The following SORCS2 variants were observed in gnomAD, a reference collection of about 807,000 sequenced individuals.
SORCS2 encodes the protein sortilin related VPS10 domain containing receptor 2, also known as VPS10 domain-containing receptor SorCS2.
In SORCS2, 100 loss-of-function variants were observed where a neutral mutation model predicts 141.6. That is an observed-to-expected ratio of 0.71 (90% CI 0.60 to 0.83). The LOEUF (loss-of-function observed/expected upper bound fraction) is 0.83. Among genes scored for constraint, SORCS2 ranks in the 40% least tolerant of loss-of-function variants. The pLI is 0.00. For synonymous variants in SORCS2, 789 were observed against 676.9 expected (o/e 1.17, Z -2.57); for missense variants, 1,646 against 1,560.2 (o/e 1.05, Z -0.93).
intron 1 of SORCS2, among the ~76,000 whole-genome samples, chr4:7,194,420 A>C (rs1189459463): frequency 6.6e-6 from 1 of 152,124 alleles, no homozygotes; most frequent in Non-Finnish European, 1.5e-5. Context: ...GGGCAGATGA[A>C]TATGTTGGGG....
chr4:7,290,672 T>G (rs1256563872), intron 1 of SORCS2, among the ~76,000 whole-genome samples: 5 of 152,216 alleles, frequency 3.3e-5, no homozygotes, highest in Non-Finnish European at 5.9e-5. Flanking sequence ...CATCCATGTA[T>G]GCACACATGT....
intron 1 of SORCS2, among the ~76,000 whole-genome samples, chr4:7,362,511 C>T (rs1016080922): frequency 6.6e-6 from 1 of 152,304 alleles, no homozygotes; most frequent in Non-Finnish European, 1.5e-5. Context: ...ATGTGCTCAA[C>T]ACCCATCTGG....
intron 1 of SORCS2, among the ~76,000 whole-genome samples, chr4:7,358,018 C>T (rs1721358900): frequency 1.3e-5 from 2 of 152,196 alleles, no homozygotes. Flanking sequence ...TTTGTGTACC[C>T]CCCATTCCCA....
chr4:7,448,527 TCTTC>T (rs372050346), intron 2 of SORCS2, among the ~76,000 whole-genome samples: 2,084 of 121,480 alleles, frequency 0.017, 53 homozygotes, highest in African/African-American at 0.06. Flanking sequence ...TCCCTTCCTC[TCTTC>T]CTTCCTTCCT....
intron 14 of SORCS2, among the ~76,000 whole-genome samples, chr4:7,712,480 G>A (rs911162017): frequency 5.9e-5 from 9 of 152,224 alleles, no homozygotes; most frequent in Non-Finnish European, 1.0e-4. Flanking sequence ...AGCGACTCAC[G>A]CAGTGCAATT....
At chr4:7,555,266 A>T (rs1432177582) in intron 3 of SORCS2, among the ~76,000 whole-genome samples, 2 of 152,250 alleles carry the variant, frequency 1.3e-5, no homozygotes, top group East Asian at 3.8e-4. Context: ...TTTCCCAAAG[A>T]GCAGTTAGGT....
intron 1 of SORCS2, among the ~76,000 whole-genome samples, chr4:7,283,642 G>T (rs1202393672): frequency 6.6e-6 from 1 of 152,176 alleles, no homozygotes; most frequent in Non-Finnish European, 1.5e-5. Flanking sequence ...CTTGTGGGGT[G>T]ACATTGGGTT....
intron 2 of SORCS2, among the ~76,000 whole-genome samples, chr4:7,488,464 G>A (rs1731123910): frequency 6.6e-6 from 1 of 152,216 alleles, no homozygotes; most frequent in Non-Finnish European, 1.5e-5. Context: ...TACTGCATGT[G>A]GTGCAGGTGC....
intron 1 of SORCS2, among the ~76,000 whole-genome samples, chr4:7,198,962 G>A (rs1727332507): frequency 6.6e-6 from 1 of 152,200 alleles, no homozygotes; most frequent in Non-Finnish European, 1.5e-5. Context: ...GCAGGAAGGG[G>A]AGGGTGTTGT....
rs192035985 is a variant in SORCS2 at position 7,561,399 on chromosome 4, T to G, written c.648+29770T>G. Among the ~76,000 whole-genome samples, 5 of 152,220 alleles carry G rather than the reference T, an allele frequency of 3.3e-5. No individual in the cohort carries two copies. The East Asian group carries it at 9.7e-4, about 29-fold the overall frequency. On this transcript the variant is annotated intron_variant, in intron 3 of 26. Transcript: ENST00000507866. ...TTATGTTTGTTCATCCATACATCCA[T>G]CTACCCATCCATCCATGTATCCATT...
At chr4:7,601,723 GA>G (rs1471337977) in intron 3 of SORCS2, among the ~76,000 whole-genome samples, 2 of 151,560 alleles carry the variant, frequency 1.3e-5, no homozygotes, top group African/African-American at 4.9e-5. Flanking sequence ...CGGAGAGGGG[GA>G]TTTGGCAGGG....
chr4:7,358,877 C>A (rs1471709069), intron 1 of SORCS2, among the ~76,000 whole-genome samples: 1 of 152,194 alleles, frequency 6.6e-6, no homozygotes, highest in Admixed American at 6.5e-5. Context: ...TTCACTCTGT[C>A]ACCCAGGCTG....
intron 1 of SORCS2, among the ~76,000 whole-genome samples, chr4:7,322,280 T>G (rs1336496964): frequency 6.6e-6 from 1 of 151,872 alleles, no homozygotes; most frequent in Non-Finnish European, 1.5e-5. Flanking sequence ...GCGGTGAGGA[T>G]GAAGGAGGAG....
chr4:7,385,830 C>A (rs1362554180), intron 1 of SORCS2, among the ~76,000 whole-genome samples: 1 of 152,196 alleles, frequency 6.6e-6, no homozygotes, highest in African/African-American at 2.4e-5. Context: ...TCGATTGGGA[C>A]CAGATGTCTG....
chr4:7,602,472 C>T (rs1384400099), intron 3 of SORCS2, among the ~76,000 whole-genome samples: 2 of 150,958 alleles, frequency 1.3e-5, no homozygotes, highest in African/African-American at 4.9e-5. Context: ...CCTCACATCC[C>T]AGACGGGGCG....
intron 2 of SORCS2, among the ~76,000 whole-genome samples, chr4:7,452,198 T>C (rs1480194524): frequency 2.0e-5 from 3 of 152,150 alleles, no homozygotes; most frequent in Admixed American, 6.5e-5. Flanking sequence ...TGGAGTGCAG[T>C]GGCACGATCT....
At position 7,340,222 on chromosome 4, in the gene SORCS2, A is replaced by G. The variant is rs139107316; in HGVS notation, c.481-56066A>G. ...AGTAAGAGGCTGAGCCAGCACCACA[A>G]CCCAGGCCTGTACGACCCTCACACT... On this transcript the variant is annotated intron_variant, in intron 1 of 26. Transcript: ENST00000507866. Among the ~76,000 whole-genome samples, 20 of 152,310 alleles carry G rather than the reference A, an allele frequency of 1.3e-4. 1 individual carries two copies. In the East Asian group the frequency reaches 2.9e-3, roughly 22 times the overall value.
intron 1 of SORCS2, among the ~76,000 whole-genome samples, chr4:7,330,011 G>C (rs1281242220): frequency 6.6e-6 from 1 of 152,060 alleles, no homozygotes; most frequent in Non-Finnish European, 1.5e-5. Context: ...GGCAGGTGCG[G>C]TTCCTTCTGG....
chr4:7,734,462 G>A, intron 25 of SORCS2, 88 bp downstream of exon 25: 5 of 947,196 alleles, frequency 5.3e-6, no homozygotes, highest in Non-Finnish European at 7.7e-6. Flanking sequence ...GATCTAGAAA[G>A]GGCCCCAGCA....
Sources: allele counts gnomAD v4.1 joint callset (sites outside exome capture counted in the v4.1 genomes callset), GRCh38; gene constraint gnomAD v4.1.1; transcripts MANE v1.5; gene names NCBI Gene and HGNC (gene_info 2026-07-23, HGNC 2026-07-21).